Variants in CLYBL observed in about 807,000 individuals in gnomAD.
CLYBL encodes the protein citramalyl-CoA lyase, mitochondrial.
In CLYBL, 31 loss-of-function variants were observed where a neutral mutation model predicts 38.9. The observed-to-expected ratio is 0.80, with a 90% confidence interval of 0.60 to 1.08. The LOEUF (loss-of-function observed/expected upper bound fraction) is 1.08. CLYBL is among the 50% of genes least tolerant of loss of function. CLYBL has a pLI of 0.00. For synonymous variants in CLYBL, 171 were observed against 158.6 expected, an observed-to-expected ratio of 1.08 and a Z score of -0.59; for missense variants, 434 against 411.6, an observed-to-expected ratio of 1.05 and a Z score of -0.47.
intron 2 of CLYBL, among the ~76,000 whole-genome samples, chr13:99,797,016 A>G (rs1457594542): frequency 6.6e-6 from 1 of 152,230 alleles, no homozygotes; most frequent in Non-Finnish European, 1.5e-5. Flanking sequence ...TATTTTATGA[A>G]TAAATGGGTT....
At chr13:99,656,171 A>G (rs2047327316) in intron 1 of CLYBL, among the ~76,000 whole-genome samples, 1 of 152,142 alleles carries the variant, frequency 6.6e-6, no homozygotes, top group African/African-American at 2.4e-5. Context: ...AGGTACAGTA[A>G]TCGGATAGAA....
chr13:99,833,308 T>A (rs1277575300), intron 2 of CLYBL, among the ~76,000 whole-genome samples: 1 of 151,834 alleles, frequency 6.6e-6, no homozygotes, highest in East Asian at 1.9e-4. Flanking sequence ...TCCAAAGTGC[T>A]GGGATTACAG....
intron 2 of CLYBL, among the ~76,000 whole-genome samples, chr13:99,776,741 G>A (rs78050052): frequency 0.011 from 1,652 of 152,162 alleles, 17 homozygotes; most frequent in East Asian, 0.081. Context: ...CTTCTTTTCC[G>A]GTTTATTGAA....
intron 1 of CLYBL, among the ~76,000 whole-genome samples, chr13:99,758,884 T>TG (rs891385386): frequency 6.6e-6 from 1 of 152,246 alleles, no homozygotes; most frequent in African/African-American, 2.4e-5. Context: ...TCTGAACCTC[T>TG]GGGGATGCCC....
At chr13:99,616,248 A>G (rs1006721150) in intron 1 of CLYBL, among the ~76,000 whole-genome samples, 2 of 148,950 alleles carry the variant, frequency 1.3e-5, no homozygotes, top group African/African-American at 5.0e-5. Context: ...CAGCCTTGAC[A>G]TCCTGGGCAC....
intron 3 of CLYBL, among the ~76,000 whole-genome samples, chr13:99,861,896 A>G (rs549917878): frequency 7.2e-5 from 11 of 152,284 alleles, no homozygotes; most frequent in African/African-American, 2.2e-4. Flanking sequence ...TTTCCTTTCT[A>G]TTAGTCAGAA....
chr13:99,732,160 T>TATATGGCA (rs1240122622), intron 1 of CLYBL, among the ~76,000 whole-genome samples: 1 of 150,300 alleles, frequency 6.7e-6, no homozygotes, highest in Admixed American at 6.8e-5. Context: ...ATTTCAGCAT[T>TATATGGCA]ATATGGCAGT....
intron 1 of CLYBL, among the ~76,000 whole-genome samples, chr13:99,760,975 A>G (rs879816362): frequency 5.9e-5 from 9 of 152,192 alleles, no homozygotes; most frequent in Admixed American, 2.0e-4. Context: ...TTCTTTATCA[A>G]ACCATATATT....
At chr13:99,641,812 T>A (rs1217709304) in intron 1 of CLYBL, among the ~76,000 whole-genome samples, 3 of 148,716 alleles carry the variant, frequency 2.0e-5, no homozygotes, top group Admixed American at 6.7e-5. Context: ...ACTCCATCTT[T>A]AAAAAAAAAA....
intron 1 of CLYBL, among the ~76,000 whole-genome samples, chr13:99,719,400 CCTTG>C: frequency 6.7e-6 from 1 of 150,262 alleles, no homozygotes; most frequent in Non-Finnish European, 1.5e-5. Flanking sequence ...GATTCTACTG[CCTTG>C]GCCTCCCAAA....
chr13:99,674,718 A>G (rs2047618680), intron 1 of CLYBL, among the ~76,000 whole-genome samples: 1 of 152,162 alleles, frequency 6.6e-6, no homozygotes. Context: ...TGGAGGGGGA[A>G]CCAGCAAAGG....
intron 1 of CLYBL, among the ~76,000 whole-genome samples, chr13:99,708,456 G>T (rs569867735): frequency 6.6e-6 from 1 of 152,202 alleles, no homozygotes; most frequent in Non-Finnish European, 1.5e-5. Flanking sequence ...ACACTGAGAT[G>T]ATATAGTGGA....
intron 2 of CLYBL, among the ~76,000 whole-genome samples, chr13:99,781,973 C>T (rs1049505819): frequency 2.6e-5 from 4 of 152,166 alleles, no homozygotes; most frequent in East Asian, 1.9e-4. Flanking sequence ...GCACTGTATG[C>T]GTTATTTTTG....
chr13:99,739,550 C>A (rs1337152590), intron 1 of CLYBL, among the ~76,000 whole-genome samples: 1 of 152,230 alleles, frequency 6.6e-6, no homozygotes, highest in Non-Finnish European at 1.5e-5. Flanking sequence ...GATCTGAAAT[C>A]ATACTCAGTT....
chr13:99,782,512 A>T (rs566373715), intron 2 of CLYBL, among the ~76,000 whole-genome samples: 1 of 152,074 alleles, frequency 6.6e-6, no homozygotes, highest in Non-Finnish European at 1.5e-5. Flanking sequence ...CTTGGGGGGA[A>T]AAAAGTTTAT....
chr13:99,880,527 G>T (rs2052178158), intron 7 of CLYBL, among the ~76,000 whole-genome samples: 1 of 152,186 alleles, frequency 6.6e-6, no homozygotes. Flanking sequence ...GTGTAATGGA[G>T]CCCAAAGTCC....
intron 2 of CLYBL, among the ~76,000 whole-genome samples, chr13:99,841,811 CCTTTTTT>C (rs1566349623): frequency 4.8e-5 from 6 of 124,704 alleles, no homozygotes; most frequent in African/African-American, 2.0e-4. Context: ...CTTTTCTTTT[CCTTTTTT>C]TTTTTTTTTT....
At chr13:99,908,165 C>G (rs1489524262) in exon 10 of CLYBL, among the ~76,000 whole-genome samples, 1 of 152,230 alleles carries the variant, frequency 6.6e-6, no homozygotes, top group Admixed American at 6.5e-5. Context: ...TGAGGTCCAG[C>G]CTTGGTGTAG....
At chr13:99,771,800 C>T (rs1027222880) in intron 1 of CLYBL, among the ~76,000 whole-genome samples, 2 of 152,220 alleles carry the variant, frequency 1.3e-5, no homozygotes, top group Non-Finnish European at 2.9e-5. Flanking sequence ...GCTGCTGGTA[C>T]TCCTGCTACA....
Sources: allele counts gnomAD v4.1 joint callset (sites outside exome capture counted in the v4.1 genomes callset), GRCh38; gene constraint gnomAD v4.1.1; transcripts MANE v1.5; gene names NCBI Gene and HGNC (gene_info 2026-07-23, HGNC 2026-07-21).